Variants in EFCAB6 observed in about 807,000 individuals in gnomAD.
EFCAB6 encodes the protein EF-hand calcium binding domain 6, also known as EF-hand calcium-binding domain-containing protein 6.
Under a neutral mutation model 169.8 loss-of-function variants are expected in EFCAB6, and 156 were observed. The observed-to-expected ratio is 0.92, with a 90% confidence interval of 0.81 to 1.05. The LOEUF (loss-of-function observed/expected upper bound fraction) is 1.05. EFCAB6 is among the 50% of genes least tolerant of loss of function. EFCAB6 has a pLI of 0.00. For synonymous variants in EFCAB6, 698 were observed against 676.4 expected, an observed-to-expected ratio of 1.03 and a Z score of -0.50; for missense variants, 1,800 against 1,829.1, an observed-to-expected ratio of 0.98 and a Z score of 0.29.
At chr22:43,698,476 C>T (rs2058655539) in intron 10 of EFCAB6, among the ~76,000 whole-genome samples, 1 of 152,160 alleles carries the variant, frequency 6.6e-6, no homozygotes, top group Non-Finnish European at 1.5e-5. Context: ...TAGCCTTTAT[C>T]CAAGGAGCTC....
intron 10 of EFCAB6, among the ~76,000 whole-genome samples, chr22:43,708,328 C>T (rs1200530551): frequency 6.6e-5 from 10 of 151,928 alleles, no homozygotes; most frequent in Admixed American, 2.0e-4. Flanking sequence ...ATCGCTTGAA[C>T]ACGGGAGGGA....
intron 26 of EFCAB6, among the ~76,000 whole-genome samples, chr22:43,565,973 T>C (rs962405625): frequency 1.7e-4 from 25 of 147,624 alleles, no homozygotes; most frequent in Non-Finnish European, 3.0e-5. Flanking sequence ...AGTGAATAAA[T>C]GAATGCTAAA....
chr22:43,550,132 G>A (rs989407348), intron 27 of EFCAB6, among the ~76,000 whole-genome samples: 2 of 152,212 alleles, frequency 1.3e-5, no homozygotes, highest in African/African-American at 2.4e-5. Context: ...AAGCTGAGGT[G>A]GGGAAGGCTG....
intron 26 of EFCAB6, among the ~76,000 whole-genome samples, chr22:43,575,679 G>T (rs964842011): frequency 6.6e-6 from 1 of 151,800 alleles, no homozygotes; most frequent in African/African-American, 2.4e-5. Context: ...CATCTAAATG[G>T]CAAAGATGAA....
At chr22:43,799,276 G>A (rs186553546) in intron 2 of EFCAB6, among the ~76,000 whole-genome samples, 1 of 151,772 alleles carries the variant, frequency 6.6e-6, no homozygotes, top group Non-Finnish European at 1.5e-5. Context: ...GTTGCAGTGA[G>A]CTATGATCAC....
chr22:43,688,792 T>C (rs2058295803), intron 10 of EFCAB6, among the ~76,000 whole-genome samples: 1 of 152,232 alleles, frequency 6.6e-6, no homozygotes, highest in African/African-American at 2.4e-5. Context: ...ATGCCTATCC[T>C]TCCCTAACAG....
chr22:43,738,417 A>T (rs982165731), intron 6 of EFCAB6, among the ~76,000 whole-genome samples: 1 of 151,698 alleles, frequency 6.6e-6, no homozygotes, highest in Non-Finnish European at 1.5e-5. Flanking sequence ...TCTCTCACAC[A>T]CATACATTCA....
At chr22:43,787,352 GCACACACACACACACA>G (rs61585162) in intron 2 of EFCAB6, among the ~76,000 whole-genome samples, 1 of 146,770 alleles carries the variant, frequency 6.8e-6, no homozygotes, top group Admixed American at 6.8e-5. Context: ...ACACACATAT[GCACACACACACACACA>G]CACACACACA....
chr22:43,768,849 G>A (rs2061391666), intron 4 of EFCAB6, among the ~76,000 whole-genome samples: 3 of 152,072 alleles, frequency 2.0e-5, no homozygotes. Flanking sequence ...AGGACACATA[G>A]CAGGAAATAA....
chr22:43,731,857 A>C, intron 7 of EFCAB6, 46 bp from the exon 8 acceptor site: 1 of 1,284,604 alleles, frequency 7.8e-7, no homozygotes, highest in Non-Finnish European at 1.1e-6. Flanking sequence ...TGAATCTAAA[A>C]TGAAGCAAGT....
intron 6 of EFCAB6, among the ~76,000 whole-genome samples, chr22:43,738,204 TCACA>T (rs762102271): frequency 5.4e-5 from 7 of 128,776 alleles, no homozygotes; most frequent in Non-Finnish European, 1.2e-4. Flanking sequence ...ATACTCAAAC[TCACA>T]CACGTGCATA....
At position 43,704,452 on chromosome 22, in the gene EFCAB6, C is replaced by T. The variant is rs139991527; in HGVS notation, c.1031+7023G>A. On this transcript the variant is annotated intron_variant, in intron 10 of 31. Transcript: ENST00000262726. ...ACAAAACTCAATGGTATAAATATTACGCAGTCATGTTTAGAATACTCTAGG... is the reference window on the plus strand; with the variant it reads ...ACAAAACTCAATGGTATAAATATTATGCAGTCATGTTTAGAATACTCTAGG... Among the ~76,000 whole-genome samples, 139 of 152,164 alleles carry T rather than the reference C, an allele frequency of 9.1e-4. 2 individuals are homozygous for T. The East Asian group carries it at 0.012, about 13-fold the overall frequency.
chr22:43,618,408 C>A (rs745919547), intron 20 of EFCAB6, among the ~76,000 whole-genome samples: 1 of 152,050 alleles, frequency 6.6e-6, no homozygotes. Context: ...TTGAGAGGTG[C>A]TTCCGGTCCC....
intron 2 of EFCAB6, among the ~76,000 whole-genome samples, chr22:43,806,114 C>T (rs1171018431): frequency 2.3e-5 from 3 of 130,674 alleles, no homozygotes; most frequent in Non-Finnish European, 4.7e-5. Flanking sequence ...TGCAGTGAGC[C>T]GAGATCATAC....
Position 43,530,933 on chromosome 22 carries a change from T to A in EFCAB6, c.4265A>T (p.Tyr1422Phe). The A allele has an allele frequency of 1.2e-6, 2 of 1,613,680 alleles. No individual in the cohort carries two copies. Among genetic ancestry groups the A allele is most frequent in the Non-Finnish European group, 1.7e-6 (2 of 1,180,012 alleles). Reference protein sequence around the residue: ...KEAGAETPSFYSALLRIQPKI... With the variant: ...KEAGAETPSFFSALLRIQPKI... ...GGGCTGAATACGCAGCAGAGCAGAG[T>A]AAAAAGATGGCGTCTCCGCGCCGGC... The change falls in exon 31 of 32, where the codon TAC becomes TTC. Residue 1422 changes from tyrosine (Y) to phenylalanine (F), a missense_variant. Tyr to Phe is a conservative substitution (Grantham distance 22, BLOSUM62 3). Coordinates refer to ENST00000262726, the MANE Select transcript of EFCAB6 (RefSeq NM_022785.4).
chr22:43,695,076 T>G (rs1260955319), intron 10 of EFCAB6, among the ~76,000 whole-genome samples: 1 of 152,054 alleles, frequency 6.6e-6, no homozygotes, highest in African/African-American at 2.4e-5. Context: ...CTTGCTTTTA[T>G]TTTTAGGTGA....
rs777240030 is a variant in EFCAB6, at chr22:43,731,784, C to G, written c.672G>C (p.Lys224Asn). ...EKFSKHYNIH[K>N]DTAVDYNVFL... The stretch of plus-strand genomic sequence containing the variant: ...ACACGTTGTAATCTACTGCAGTATC[C>G]TTGTGGATGTTGTAGTGTTTCGAAA... Residue 224 changes from lysine to asparagine, a missense_variant, in exon 8 of 32, where the codon AAG becomes AAC. Lys to Asn is a moderately conservative substitution (Grantham distance 94). Coordinates refer to ENST00000262726, the MANE Select transcript of EFCAB6 (RefSeq NM_022785.4). 1.3e-6 allele frequency: 2 copies of G among 1,591,568 alleles called. No homozygotes were observed. Among genetic ancestry groups the G allele is most frequent in the Non-Finnish European group, 1.7e-6 (2 of 1,171,616 alleles).
At chr22:43,665,732 C>G (rs540227022) in intron 17 of EFCAB6, among the ~76,000 whole-genome samples, 1 of 152,362 alleles carries the variant, frequency 6.6e-6, no homozygotes, top group African/African-American at 2.4e-5. Flanking sequence ...TATCGGCCAC[C>G]TGGTCCCCAA....
chr22:43,618,355 G>A (rs749706145), intron 20 of EFCAB6, among the ~76,000 whole-genome samples: 7 of 152,006 alleles, frequency 4.6e-5, no homozygotes, highest in Non-Finnish European at 7.4e-5. Flanking sequence ...TTTGACAGCC[G>A]CATGAAGACC....
Sources: allele counts gnomAD v4.1 joint callset (sites outside exome capture counted in the v4.1 genomes callset), GRCh38; gene constraint gnomAD v4.1.1; transcripts MANE v1.5; gene names NCBI Gene and HGNC (gene_info 2026-07-23, HGNC 2026-07-21).